The following TFDP1 variants were observed in gnomAD, a reference collection of about 807,000 sequenced individuals.
TFDP1 encodes transcription factor Dp-1, also known as DRTF1-polypeptide 1.
TFDP1 carries 6 observed loss-of-function variants against 48.0 expected under a neutral mutation model. That is an observed-to-expected ratio of 0.13 (90% CI 0.07 to 0.25). TFDP1 has a LOEUF of 0.25. Ranked by LOEUF, TFDP1 falls within the 10% of genes least tolerant of loss-of-function variation. The probability of loss-of-function intolerance (pLI) is 1.00; values close to 1 mark genes in which losing one functional copy is unlikely to be tolerated. For missense variants in TFDP1, 335 were observed against 543.0 expected (o/e 0.62, Z 3.81); for synonymous variants, 201 against 211.6 (o/e 0.95, Z 0.44).
intron 3 of TFDP1, among the ~76,000 whole-genome samples, chr13:113,614,765 A>G (rs1566657124): frequency 6.6e-6 from 1 of 152,178 alleles, no homozygotes; most frequent in Non-Finnish European, 1.5e-5. Flanking sequence ...AGCGACGGGA[A>G]CCTGGGTGGG....
rs894622655 is a variant in TFDP1 at position 113,640,727 on chromosome 13, G to T, written c.*460G>T. On this transcript the variant is annotated 3_prime_UTR_variant, in exon 12 of 12. Transcript: ENST00000375370. Reference sequence around the variant, plus strand: ...TCTGTGGAGTTTGTTCAGTGGTACGGTGTCCAAGCAAACAGCAGAATGCAA... The same window carrying T: ...TCTGTGGAGTTTGTTCAGTGGTACGTTGTCCAAGCAAACAGCAGAATGCAA... 5.2e-6 allele frequency: 1 copy of T among 193,146 alleles called. No homozygotes were observed. The highest frequency in any genetic ancestry group is 1.1e-5 in the Non-Finnish European group (1 of 94,778). 12.0% of individuals were successfully genotyped at this position (193,146 alleles called of 1,614,324 possible). A position where few individuals can be genotyped will look rare whatever the true frequency, so the allele number is the denominator to read the frequency against.
intron 7 of TFDP1, chr13:113,634,314 TC>T: frequency 3.2e-6 from 2 of 634,900 alleles, no homozygotes; most frequent in Non-Finnish European, 5.6e-6. Flanking sequence ...CATAGTTAAA[TC>T]CAAGAAATGA....
intron 2 of TFDP1, among the ~76,000 whole-genome samples, chr13:113,595,715 G>A (rs755909841): frequency 6.6e-6 from 1 of 152,216 alleles, no homozygotes; most frequent in African/African-American, 2.4e-5. Flanking sequence ...TTTTCAGGTC[G>A]CTTTCAGCAC....
intron 2 of TFDP1, among the ~76,000 whole-genome samples, chr13:113,597,163 T>C (rs2048307813): frequency 6.6e-6 from 1 of 152,252 alleles, no homozygotes; most frequent in Non-Finnish European, 1.5e-5. Context: ...CTTGGATGAC[T>C]TGATTTTTGT....
intron 2 of TFDP1, among the ~76,000 whole-genome samples, chr13:113,608,297 C>CCAG (rs1424397659): frequency 6.6e-6 from 1 of 152,250 alleles, no homozygotes; most frequent in East Asian, 1.9e-4. Flanking sequence ...GGCGCTCATG[C>CCAG]TCATCCTGGT....
rs747092634 is a variant in TFDP1, at chr13:113,600,901, TGA to T, written c.13-10088_13-10087del. 3.3e-5 allele frequency among the ~76,000 whole-genome samples: 5 copies of T among 150,934 alleles called. No homozygotes were observed. The East Asian group carries it at 5.9e-4, about 18-fold the overall frequency. Reference sequence around the variant, plus strand: ...AGAGAGAACCCAGGACCCAGAACCGTGAGAGAGAATCCTCGCACGTGGGGCTC... The same window carrying T: ...AGAGAGAACCCAGGACCCAGAACCGTGAGAGAATCCTCGCACGTGGGGCTC... On this transcript the variant is annotated intron_variant, in intron 2 of 11. Transcript: ENST00000375370.
chr13:113,636,717 C>T lies in TFDP1; in HGVS notation c.1006+17C>T. The T allele has an allele frequency of 1.2e-6, 2 of 1,610,044 alleles. No individual in the cohort carries two copies. The highest frequency in any genetic ancestry group is 1.7e-6 in the Non-Finnish European group (2 of 1,177,326). On this transcript the variant is annotated intron_variant, in intron 10 of 11. Transcript: ENST00000375370. ...ACGTGACAGGTCAGCAATGCCCAGA[C>T]AACCTGGCGTGGCTGTGTGAGGAAT...
At position 113,611,046 on chromosome 13, in the gene TFDP1, C is replaced by A; in HGVS notation, c.63C>A (p.Asn21Lys). Reference sequence around the variant, plus strand: ...AACTCAAGGTCTTCATAGACCAGAACCTTAGTCCCGGGAAAGGTAAGGGCA... The same window carrying A: ...AACTCAAGGTCTTCATAGACCAGAAACTTAGTCCCGGGAAAGGTAAGGGCA... Reference protein sequence around the residue: ...NGELKVFIDQNLSPGKGVVSL... With the variant: ...NGELKVFIDQKLSPGKGVVSL... Residue 21 changes from asparagine (N) to lysine (K), a missense_variant, in exon 3 of 12, where the codon AAC (asparagine) becomes AAA (lysine). Physicochemically the swap from Asn to Lys is moderately conservative, Grantham distance 94 (BLOSUM62 0). Around this residue, in one of 3 missense-constraint regions of TFDP1, gnomAD observed 103 missense variants for 140.4 expected, o/e 0.73. Coordinates refer to ENST00000375370, the MANE Select transcript of TFDP1 (RefSeq NM_007111.5). 2 of 1,614,104 alleles carry A rather than the reference C, an allele frequency of 1.2e-6. No homozygotes were observed. Among genetic ancestry groups the A allele is most frequent in the Non-Finnish European group, 8.5e-7 (1 of 1,179,976 alleles).
intron 8 of TFDP1, among the ~76,000 whole-genome samples, chr13:113,635,349 G>T (rs1219081574): frequency 1.3e-5 from 2 of 152,238 alleles, no homozygotes; most frequent in Non-Finnish European, 2.9e-5. Context: ...AGAGTGTCAG[G>T]AGGGACAGTC....
chr13:113,632,592 G>A (rs1052826229), intron 5 of TFDP1, among the ~76,000 whole-genome samples: 1 of 152,090 alleles, frequency 6.6e-6, no homozygotes, highest in Admixed American at 6.5e-5. Flanking sequence ...CCTGGCCAAC[G>A]TGGTGCAACC....
intron 4 of TFDP1, among the ~76,000 whole-genome samples, chr13:113,628,908 C>G (rs2140550222): frequency 6.6e-6 from 1 of 152,326 alleles, no homozygotes; most frequent in Admixed American, 6.5e-5. Flanking sequence ...TGCTCCATGT[C>G]TGTTGAATGG....
chr13:113,632,829 T>G (rs2049373474), intron 5 of TFDP1, among the ~76,000 whole-genome samples: 2 of 152,210 alleles, frequency 1.3e-5, no homozygotes, highest in Non-Finnish European at 2.9e-5. Flanking sequence ...TACCGGCACA[T>G]CTCCCATATG....
intron 3 of TFDP1, among the ~76,000 whole-genome samples, chr13:113,619,470 C>CAAAA (rs950584099): frequency 7.9e-5 from 5 of 63,334 alleles, no homozygotes; most frequent in Admixed American, 1.6e-4. Context: ...GACTCCATCT[C>CAAAA]AAAAAAAAAA....
At chr13:113,599,361 T>G (rs1404377875) in intron 2 of TFDP1, among the ~76,000 whole-genome samples, 2 of 152,230 alleles carry the variant, frequency 1.3e-5, no homozygotes, top group Non-Finnish European at 2.9e-5. Context: ...TCAGAGATAG[T>G]CATTCACTCT....
At chr13:113,605,613 G>A (rs1179099192) in intron 2 of TFDP1, among the ~76,000 whole-genome samples, 3 of 152,238 alleles carry the variant, frequency 2.0e-5, no homozygotes, top group Non-Finnish European at 4.4e-5. Flanking sequence ...CTTCCAAGAT[G>A]TCTCACCCTC....
At chr13:113,639,935 G>C (rs773965523) in intron 11 of TFDP1, among the ~76,000 whole-genome samples, 185 bp from the exon 12 acceptor site, 5 of 152,264 alleles carry the variant, frequency 3.3e-5, no homozygotes, top group Non-Finnish European at 5.9e-5. Context: ...ACCAGACAGA[G>C]ATGGAGTAAG....
chr13:113,635,851 A>C lies in TFDP1; in HGVS notation c.688-126A>C, dbSNP rs4150805. The C allele has an allele frequency of 2.0e-3, 2,296 of 1,143,994 alleles. 33 individuals are homozygous for C. In the African/African-American group the frequency reaches 0.032, roughly 16 times the overall value. 70.9% of individuals were successfully genotyped at this position (1,143,994 alleles called of 1,614,324 possible). ...TCAGCACCCAGCGGCCGGCGCTGGC[A>C]TTTCAGATGTCCAGGCCAACTCCTC... On this transcript the variant is annotated intron_variant, in intron 8 of 11. Transcript: ENST00000375370.
chr13:113,636,718 A>C lies in TFDP1; in HGVS notation c.1006+18A>C, dbSNP rs2049498834. 4.4e-6 allele frequency: 7 copies of C among 1,604,464 alleles called. No individual in the cohort carries two copies. Among genetic ancestry groups the C allele is most frequent in the Non-Finnish European group, 5.9e-6 (7 of 1,177,138 alleles). Reference sequence around the variant, plus strand: ...CGTGACAGGTCAGCAATGCCCAGACAACCTGGCGTGGCTGTGTGAGGAATG... The same window carrying C: ...CGTGACAGGTCAGCAATGCCCAGACCACCTGGCGTGGCTGTGTGAGGAATG... On this transcript the variant is annotated intron_variant, in intron 10 of 11. Transcript: ENST00000375370.
intron 4 of TFDP1, among the ~76,000 whole-genome samples, chr13:113,624,368 C>CA (rs1464497366): frequency 1.3e-5 from 2 of 151,532 alleles, no homozygotes; most frequent in African/African-American, 4.9e-5. Flanking sequence ...CAGGCATCCT[C>CA]ACGTGTCCCC....
Sources: gnomAD v4.1 joint callset for allele counts (sites outside exome capture counted in the v4.1 genomes callset) on GRCh38, gnomAD v4.1.1 for gene constraint, gnomAD v4.1.1 regional missense constraint, MANE v1.5 for transcripts, NCBI Gene and HGNC (gene_info 2026-07-23, HGNC 2026-07-21) for gene names.